MDGA2: variants seen among roughly 807,000 people sequenced by gnomAD.
MDGA2 encodes MAM domain-containing glycosylphosphatidylinositol anchor protein 2.
A neutral mutation model predicts 117.8 loss-of-function variants in MDGA2; 40 were observed. That is an observed-to-expected ratio of 0.34 (90% confidence interval 0.26 to 0.44). The LOEUF (loss-of-function observed/expected upper bound fraction) is 0.44. Ranked by LOEUF, MDGA2 falls within the 20% of genes least tolerant of loss-of-function variation. MDGA2 has a pLI of 1.00. For missense variants in MDGA2, 1,123 were observed against 1,250.6 expected, an observed-to-expected ratio of 0.90 and a Z score of 1.54; for synonymous variants, 452 against 439.0, an observed-to-expected ratio of 1.03 and a Z score of -0.37.
At chr14:46,911,954 A>G (rs1251872437) in intron 10 of MDGA2, among the ~76,000 whole-genome samples, 1 of 152,110 alleles carries the variant, frequency 6.6e-6, no homozygotes, top group Non-Finnish European at 1.5e-5. Context: ...GCTCCATCCC[A>G]TTGCAGGGCA....
chr14:47,260,619 A>G (rs1233803914), intron 2 of MDGA2, among the ~76,000 whole-genome samples: 1 of 152,148 alleles, frequency 6.6e-6, no homozygotes, highest in African/African-American at 2.4e-5. Flanking sequence ...CAGCATAGAC[A>G]ACAACCACAG....
At chr14:47,547,300 G>A (rs890865305) in intron 1 of MDGA2, among the ~76,000 whole-genome samples, 1 of 152,184 alleles carries the variant, frequency 6.6e-6, no homozygotes, top group African/African-American at 2.4e-5. Flanking sequence ...GTTGCCACAT[G>A]CATTCATTAC....
chr14:47,543,440 G>A (rs1293891028), intron 1 of MDGA2, among the ~76,000 whole-genome samples: 1 of 152,108 alleles, frequency 6.6e-6, no homozygotes. Flanking sequence ...CAAGCAGAAA[G>A]TAAACACTAA....
intron 2 of MDGA2, among the ~76,000 whole-genome samples, chr14:47,249,316 C>CTCTT (rs1157092932): frequency 4.0e-5 from 6 of 151,810 alleles, no homozygotes; most frequent in African/African-American, 7.3e-5. Flanking sequence ...CACGCCCGGC[C>CTCTT]TCTTTCTTTC....
At chr14:46,886,261 A>G (rs563100155) in intron 10 of MDGA2, among the ~76,000 whole-genome samples, 1 of 152,236 alleles carries the variant, frequency 6.6e-6, no homozygotes, top group East Asian at 1.9e-4. Context: ...CTATACCTCA[A>G]TCGTTTAAGA....
intron 1 of MDGA2, among the ~76,000 whole-genome samples, chr14:47,331,216 C>T (rs1890284206): frequency 6.6e-6 from 1 of 151,758 alleles, no homozygotes; most frequent in Non-Finnish European, 1.5e-5. Context: ...AACAACACTA[C>T]TTCCAACATT....
chr14:47,563,243 C>T (rs1895849492), intron 1 of MDGA2, among the ~76,000 whole-genome samples: 1 of 152,044 alleles, frequency 6.6e-6, no homozygotes, highest in African/African-American at 2.4e-5. Flanking sequence ...CTTTAGATGT[C>T]TATTAGGTCA....
chr14:47,395,725 T>A (rs1891993472), intron 1 of MDGA2, among the ~76,000 whole-genome samples: 1 of 152,078 alleles, frequency 6.6e-6, no homozygotes, highest in South Asian at 2.1e-4. Flanking sequence ...CATATACATT[T>A]AGTAGGTTTT....
intron 2 of MDGA2, among the ~76,000 whole-genome samples, chr14:47,243,382 A>C (rs1300766213): frequency 6.6e-6 from 1 of 151,720 alleles, no homozygotes; most frequent in Non-Finnish European, 1.5e-5. Flanking sequence ...AGGCTGCCCA[A>C]GCCAGCATTG....
At chr14:47,606,708 G>T (rs567807730) in intron 1 of MDGA2, among the ~76,000 whole-genome samples, 5 of 152,122 alleles carry the variant, frequency 3.3e-5, no homozygotes, top group Non-Finnish European at 7.3e-5. Context: ...TGTATGATAT[G>T]ATCTGTTTCC....
chr14:47,014,320 A>G (rs925094751), intron 8 of MDGA2, among the ~76,000 whole-genome samples: 2 of 152,192 alleles, frequency 1.3e-5, no homozygotes, highest in Non-Finnish European at 2.9e-5. Flanking sequence ...GCAAATGAGC[A>G]TTGGCTTCAA....
intron 1 of MDGA2, among the ~76,000 whole-genome samples, chr14:47,625,869 G>C (rs117251409): frequency 4.6e-5 from 7 of 152,240 alleles, no homozygotes; most frequent in African/African-American, 7.2e-5. Context: ...TTAATCTCAG[G>C]AGCCCAATGA....
chr14:47,623,336 T>C lies in MDGA2; in HGVS notation c.280+51181A>G, dbSNP rs551262656. The stretch of plus-strand genomic sequence containing the variant: ...AGATTAACCAGTCTGTGATATTCCA[T>C]TGCAGCAACAAAAACTGAACTAAGA... On this transcript the variant is annotated intron_variant, in intron 1 of 16. Coordinates refer to ENST00000399232, the MANE Select transcript of MDGA2 (RefSeq NM_001113498.3). Among the ~76,000 whole-genome samples, 32 of 152,318 alleles carry C rather than the reference T, an allele frequency of 2.1e-4. 1 individual carries two copies. Among genetic ancestry groups the C allele is most frequent in the African/African-American group, 5.3e-4 (22 of 41,570 alleles).
intron 2 of MDGA2, among the ~76,000 whole-genome samples, chr14:47,291,892 G>A (rs1200575129): frequency 6.6e-6 from 1 of 152,190 alleles, no homozygotes; most frequent in African/African-American, 2.4e-5. Flanking sequence ...TACAGAGAGT[G>A]AGCGTTAGCC....
chr14:47,588,542 T>G (rs888892966), intron 1 of MDGA2, among the ~76,000 whole-genome samples: 2 of 151,864 alleles, frequency 1.3e-5, no homozygotes, highest in African/African-American at 4.8e-5. Flanking sequence ...TTGAAGAAGA[T>G]AGTCAAATTC....
intron 3 of MDGA2, among the ~76,000 whole-genome samples, chr14:47,197,294 G>T (rs1885321850): frequency 1.3e-5 from 2 of 152,166 alleles, no homozygotes; most frequent in South Asian, 2.1e-4. Flanking sequence ...AGGTAATGAG[G>T]GTGGAAGCCT....
rs373860405 is a variant in MDGA2, at chr14:47,483,582, C to T, written c.281-182032G>A. On this transcript the variant is annotated intron_variant, in intron 1 of 16. Coordinates refer to ENST00000399232, the MANE Select transcript of MDGA2 (RefSeq NM_001113498.3). ...CTGCTCTAAATCCTGTCTCACACAG[C>T]ATCAAGGTCCACCATGTATGTAAAG... Among the ~76,000 whole-genome samples, 6 of 152,310 alleles carry T rather than the reference C, an allele frequency of 3.9e-5. No homozygotes were observed. The East Asian group carries it at 1.2e-3, about 29-fold the overall frequency.
chr14:47,344,385 C>T (rs1409095214), intron 1 of MDGA2, among the ~76,000 whole-genome samples: 1 of 152,076 alleles, frequency 6.6e-6, no homozygotes, highest in African/African-American at 2.4e-5. Flanking sequence ...GCCAGGCAAA[C>T]CAGAGCCAAT....
chr14:47,110,708 A>C (rs993584255), intron 5 of MDGA2, among the ~76,000 whole-genome samples: 1 of 152,202 alleles, frequency 6.6e-6, no homozygotes, highest in African/African-American at 2.4e-5. Flanking sequence ...TCTTCTAAAA[A>C]GTGAGAAAAT....
Sources: allele counts gnomAD v4.1 joint callset (sites outside exome capture counted in the v4.1 genomes callset), GRCh38; gene constraint gnomAD v4.1.1; transcripts MANE v1.5; gene names NCBI Gene and HGNC (gene_info 2026-07-23, HGNC 2026-07-21).